SCFD2: variants seen among roughly 807,000 people sequenced by gnomAD.
SCFD2 encodes the protein sec1 family domain containing 2.
In SCFD2, 54 loss-of-function variants were observed where a neutral mutation model predicts 58.9. The ratio of observed to expected loss-of-function variants is 0.92; its 90% CI spans 0.74 to 1.15. SCFD2 has a LOEUF of 1.15. Among genes scored for constraint, SCFD2 ranks in the 50% most tolerant of loss-of-function variants. The pLI is 0.00. For synonymous variants in SCFD2, 321 were observed against 335.9 expected (o/e 0.96, Z 0.49); for missense variants, 805 against 836.6 (o/e 0.96, Z 0.47).
chr4:52,913,194 C>T (rs1468692490), intron 6 of SCFD2, among the ~76,000 whole-genome samples: 1 of 151,318 alleles, frequency 6.6e-6, no homozygotes, highest in Non-Finnish European at 1.5e-5. Context: ...CCTGCTACAC[C>T]AGGGATCCCC....
At chr4:53,181,667 A>G (rs973798699) in intron 4 of SCFD2, among the ~76,000 whole-genome samples, 3 of 152,222 alleles carry the variant, frequency 2.0e-5, no homozygotes, top group African/African-American at 7.2e-5. Context: ...GCAATCAGGC[A>G]GGAGAAGGAA....
At chr4:53,158,439 C>T (rs941907380) in intron 4 of SCFD2, among the ~76,000 whole-genome samples, 6 of 152,146 alleles carry the variant, frequency 3.9e-5, no homozygotes, top group African/African-American at 7.2e-5. Flanking sequence ...CAAATTTGCT[C>T]TTCATCCTCT....
intron 4 of SCFD2, among the ~76,000 whole-genome samples, chr4:53,200,453 T>A (rs1007944393): frequency 3.9e-5 from 6 of 152,116 alleles, no homozygotes; most frequent in African/African-American, 1.2e-4. Context: ...AGATTTCAAA[T>A]GAAAAAAATT....
At chr4:52,906,275 C>T (rs1477769154) in intron 7 of SCFD2, among the ~76,000 whole-genome samples, 1 of 152,184 alleles carries the variant, frequency 6.6e-6, no homozygotes, top group Admixed American at 6.5e-5. Context: ...ACTAACCAGG[C>T]TCTGAAAGTC....
chr4:53,134,211 C>A (rs1032142180), intron 5 of SCFD2, among the ~76,000 whole-genome samples: 2 of 152,108 alleles, frequency 1.3e-5, no homozygotes, highest in African/African-American at 4.8e-5. Context: ...AATCAATGGG[C>A]ATAAAGTTTC....
At chr4:53,233,050 G>T (rs1729488103) in intron 4 of SCFD2, among the ~76,000 whole-genome samples, 2 of 152,138 alleles carry the variant, frequency 1.3e-5, no homozygotes, top group African/African-American at 4.8e-5. Flanking sequence ...TATTCTGCCA[G>T]CCTAGGCATA....
intron 4 of SCFD2, among the ~76,000 whole-genome samples, chr4:53,240,954 ACTT>A (rs946586216): frequency 2.0e-5 from 3 of 152,246 alleles, no homozygotes; most frequent in Admixed American, 2.0e-4. Flanking sequence ...AGACTGGCAC[ACTT>A]CTAGCAGATC....
At chr4:52,982,755 C>T (rs897966782) in intron 5 of SCFD2, among the ~76,000 whole-genome samples, 1 of 152,186 alleles carries the variant, frequency 6.6e-6, no homozygotes, top group African/African-American at 2.4e-5. Context: ...CTCAGACACT[C>T]CTCTACTGCT....
intron 4 of SCFD2, among the ~76,000 whole-genome samples, chr4:53,265,906 A>T (rs1407504989): frequency 6.8e-6 from 1 of 146,366 alleles, no homozygotes; most frequent in African/African-American, 2.5e-5. Flanking sequence ...CATCCAGCTA[A>T]TTTTTTTTTT....
At chr4:53,091,888 A>T (rs1266485384) in intron 5 of SCFD2, among the ~76,000 whole-genome samples, 1 of 152,166 alleles carries the variant, frequency 6.6e-6, no homozygotes, top group Non-Finnish European at 1.5e-5. Context: ...TTTAAAAATA[A>T]TTTTATTAAT....
At chr4:53,338,276 G>A (rs903819943) in intron 2 of SCFD2, among the ~76,000 whole-genome samples, 17 of 152,190 alleles carry the variant, frequency 1.1e-4, no homozygotes, top group Non-Finnish European at 1.9e-4. Flanking sequence ...CATCCCAGAA[G>A]AAGACAAGAA....
At chr4:52,997,032 C>T (rs1271186867) in intron 5 of SCFD2, among the ~76,000 whole-genome samples, 4 of 152,212 alleles carry the variant, frequency 2.6e-5, no homozygotes, top group Non-Finnish European at 4.4e-5. Flanking sequence ...ACATTCCAAA[C>T]GTTTAACCCT....
At chr4:52,881,130 A>G (rs1237440865) in intron 8 of SCFD2, among the ~76,000 whole-genome samples, 1 of 152,234 alleles carries the variant, frequency 6.6e-6, no homozygotes, top group Non-Finnish European at 1.5e-5. Context: ...GAGTGGAGAA[A>G]ACATGTCCCT....
chr4:53,302,930 CA>C (rs1389301103), intron 3 of SCFD2, among the ~76,000 whole-genome samples: 1 of 152,192 alleles, frequency 6.6e-6, no homozygotes, highest in Non-Finnish European at 1.5e-5. Flanking sequence ...CCCTTCTTTA[CA>C]CCTTACACAA....
intron 5 of SCFD2, among the ~76,000 whole-genome samples, chr4:53,013,661 C>T (rs760133214): frequency 4.6e-5 from 7 of 152,192 alleles, no homozygotes; most frequent in Non-Finnish European, 1.0e-4. Context: ...AGTTTTATAA[C>T]ATTTATTATA....
At chr4:53,179,082 T>G (rs1727448915) in intron 4 of SCFD2, among the ~76,000 whole-genome samples, 1 of 152,198 alleles carries the variant, frequency 6.6e-6, no homozygotes, top group African/African-American at 2.4e-5. Flanking sequence ...CTCTGCAGGA[T>G]ATTATCCAGG....
chr4:53,288,116 T>C (rs1194667923), intron 3 of SCFD2, among the ~76,000 whole-genome samples: 2 of 151,594 alleles, frequency 1.3e-5, no homozygotes, highest in Non-Finnish European at 2.9e-5. Context: ...AAAGAAATAA[T>C]TGAGAGTTTC....
chr4:52,982,796 T>C (rs893315405), intron 5 of SCFD2, among the ~76,000 whole-genome samples: 13 of 152,196 alleles, frequency 8.5e-5, no homozygotes, highest in Non-Finnish European at 7.3e-5. Context: ...CAGCAGACCT[T>C]TAAGTTTGCA....
intron 2 of SCFD2, among the ~76,000 whole-genome samples, chr4:53,344,632 G>A (rs1439800111): frequency 1.3e-5 from 2 of 152,118 alleles, no homozygotes; most frequent in Non-Finnish European, 2.9e-5. Flanking sequence ...AAAAGAGCCC[G>A]CATTGCCAAG....
Sources: gnomAD v4.1 joint callset for allele counts (sites outside exome capture counted in the v4.1 genomes callset) on GRCh38, gnomAD v4.1.1 for gene constraint, MANE v1.5 for transcripts, NCBI Gene and HGNC (gene_info 2026-07-23, HGNC 2026-07-21) for gene names.